The following DOCK3 variants were observed in gnomAD, a reference collection of about 807,000 sequenced individuals.
The protein encoded by DOCK3 is dedicator of cytokinesis protein 3.
Under a neutral mutation model 265.6 loss-of-function variants are expected in DOCK3, and 60 were observed. That is an observed-to-expected ratio of 0.23 (90% confidence interval 0.18 to 0.28). The LOEUF is 0.28. Ranked by LOEUF, DOCK3 falls within the 10% of genes least tolerant of loss-of-function variation. The pLI, the probability that DOCK3 is intolerant of heterozygous loss-of-function variation, is 1.00. For synonymous variants in DOCK3, 881 were observed against 938.0 expected (o/e 0.94, Z 1.11); for missense variants, 1,981 against 2,594.3 (o/e 0.76, Z 5.14).
At chr3:50,933,499 T>A (rs1236279291) in intron 4 of DOCK3, among the ~76,000 whole-genome samples, 1 of 152,096 alleles carries the variant, frequency 6.6e-6, no homozygotes, top group South Asian at 2.1e-4. Flanking sequence ...AATACCAATA[T>A]AAGGGAGTAT....
intron 49 of DOCK3, among the ~76,000 whole-genome samples, chr3:51,365,678 T>G (rs1046876541): frequency 6.6e-6 from 1 of 152,234 alleles, no homozygotes; most frequent in Non-Finnish European, 1.5e-5. Context: ...CCTAGTTTAT[T>G]GAGAGTTTTT....
At chr3:51,284,757 TGTA>T (rs1364640286) in intron 27 of DOCK3, among the ~76,000 whole-genome samples, 2 of 152,188 alleles carry the variant, frequency 1.3e-5, no homozygotes, top group East Asian at 3.8e-4. Context: ...TAAGTCCAAG[TGTA>T]CCCATTCTTC....
intron 3 of DOCK3, among the ~76,000 whole-genome samples, chr3:50,843,704 G>GA (rs1160237468): frequency 6.6e-6 from 1 of 152,054 alleles, no homozygotes; most frequent in Non-Finnish European, 1.5e-5. Flanking sequence ...GGTATTCAGA[G>GA]ATTGTATATT....
chr3:50,869,386 T>TTTTTTTTTTTTG, intron 3 of DOCK3, among the ~76,000 whole-genome samples: 1 of 87,778 alleles, frequency 1.1e-5, no homozygotes, highest in Non-Finnish European at 2.0e-5. Flanking sequence ...TTTTTTTTTT[T>TTTTTTTTTTTTG]TTTTGGAGAT....
chr3:51,344,173 A>G (rs989834253), intron 38 of DOCK3, among the ~76,000 whole-genome samples: 30 of 152,192 alleles, frequency 2.0e-4, no homozygotes, highest in African/African-American at 6.5e-4. Context: ...CACTCATTTG[A>G]AGGAATGACT....
At chr3:50,928,897 A>G (rs1272563916) in intron 4 of DOCK3, among the ~76,000 whole-genome samples, 1 of 152,204 alleles carries the variant, frequency 6.6e-6, no homozygotes, top group East Asian at 1.9e-4. Context: ...CTGTCAGTAC[A>G]GTGTTCAACA....
At chr3:50,932,253 A>G (rs999536303) in intron 4 of DOCK3, among the ~76,000 whole-genome samples, 4 of 152,246 alleles carry the variant, frequency 2.6e-5, no homozygotes, top group Non-Finnish European at 2.9e-5. Context: ...GTAAGACATA[A>G]TCAGATAACA....
chr3:50,894,090 G>A (rs575498273), intron 4 of DOCK3, among the ~76,000 whole-genome samples: 6 of 151,814 alleles, frequency 4.0e-5, no homozygotes, highest in Non-Finnish European at 5.9e-5. Flanking sequence ...GTAACAAACC[G>A]GCACGTTGTG....
intron 50 of DOCK3, 74 bp from the exon 51 acceptor site, chr3:51,375,674 G>A (rs1251684765): frequency 1.5e-5 from 23 of 1,536,258 alleles, no homozygotes; most frequent in Non-Finnish European, 1.9e-5. Context: ...CCTGTCTCTC[G>A]TCGCCCACAA....
At position 51,312,468 on chromosome 3, in the gene DOCK3, C is replaced by G; in HGVS notation, c.3094-8C>G. On this transcript the variant is annotated splice_polypyrimidine_tract_variant and splice_region_variant and intron_variant, in intron 29 of 52. Coordinates refer to ENST00000266037, the MANE Select transcript of DOCK3 (RefSeq NM_004947.5). ...ACTGTCACATTTTCTCTTTCTCTGT[C>G]TGTCTAGGTGTGGAATTCTTACTTT... is the stretch of plus-strand genomic sequence containing the variant. The G allele has an allele frequency of 6.2e-7, 1 of 1,612,164 alleles. No homozygotes were observed. The highest frequency in any genetic ancestry group is 1.3e-5 in the African/African-American group (1 of 74,964).
intron 27 of DOCK3, among the ~76,000 whole-genome samples, chr3:51,282,545 C>T (rs202062331): frequency 2.6e-5 from 4 of 151,216 alleles, no homozygotes; most frequent in African/African-American, 4.9e-5. Context: ...CCCAGCTACT[C>T]GGGAGGCTGA....
chr3:50,694,304 A>G (rs1225255793), intron 1 of DOCK3, among the ~76,000 whole-genome samples: 4 of 152,272 alleles, frequency 2.6e-5, no homozygotes, highest in African/African-American at 9.6e-5. Context: ...AATAAAAAGA[A>G]TGGTAAGAGT....
At chr3:51,245,938 C>T (rs2078817857) in intron 21 of DOCK3, among the ~76,000 whole-genome samples, 1 of 152,084 alleles carries the variant, frequency 6.6e-6, no homozygotes, top group Non-Finnish European at 1.5e-5. Flanking sequence ...TTCAAGGATA[C>T]AAAACTAGAT....
At chr3:51,016,612 T>C (rs1333070873) in intron 5 of DOCK3, among the ~76,000 whole-genome samples, 1 of 66,522 alleles carries the variant, frequency 1.5e-5, no homozygotes. Flanking sequence ...ATATATATTA[T>C]ATATTTATAT....
chr3:51,109,528 G>C (rs1218406454), intron 9 of DOCK3, among the ~76,000 whole-genome samples: 1 of 152,094 alleles, frequency 6.6e-6, no homozygotes, highest in Non-Finnish European at 1.5e-5. Flanking sequence ...CAGATCTGAA[G>C]TGAAGAAGAT....
At chr3:51,141,839 A>T (rs536700643) in intron 9 of DOCK3, among the ~76,000 whole-genome samples, 2 of 152,184 alleles carry the variant, frequency 1.3e-5, no homozygotes, top group South Asian at 4.1e-4. Context: ...TGGGAAGACA[A>T]TTGTCTTGAC....
intron 5 of DOCK3, among the ~76,000 whole-genome samples, chr3:50,973,867 A>G (rs1254414070): frequency 7.3e-6 from 1 of 136,216 alleles, no homozygotes; most frequent in East Asian, 2.2e-4. Flanking sequence ...TGTGGTTTTG[A>G]TTTGCATTTC....
intron 5 of DOCK3, among the ~76,000 whole-genome samples, chr3:50,969,843 G>A (rs769568470): frequency 2.0e-5 from 3 of 152,264 alleles, no homozygotes; most frequent in Non-Finnish European, 4.4e-5. Flanking sequence ...AGGCCGAGGT[G>A]GGCGGATCAC....
intron 41 of DOCK3, 125 bp from the exon 42 acceptor site, chr3:51,355,964 C>T (rs1576917703): frequency 8.2e-7 from 1 of 1,217,490 alleles, no homozygotes; most frequent in East Asian, 2.4e-5. Flanking sequence ...CCACTGCCTC[C>T]CCTACTGGGC....
Sources: allele counts gnomAD v4.1 joint callset (sites outside exome capture counted in the v4.1 genomes callset), GRCh38; gene constraint gnomAD v4.1.1; transcripts MANE v1.5; gene names NCBI Gene and HGNC (gene_info 2026-07-23, HGNC 2026-07-21).